TSPAN4: variants seen among roughly 807,000 people sequenced by gnomAD.
TSPAN4 encodes the protein tetraspanin 4, also known as tetraspanin-4.
Under a neutral mutation model 31.5 loss-of-function variants are expected in TSPAN4, and 38 were observed. The ratio of observed to expected loss-of-function variants is 1.21; its 90% CI spans 0.93 to 1.58. The LOEUF is 1.58. Among genes scored for constraint, TSPAN4 ranks in the 40% most tolerant of loss-of-function variants. The probability of loss-of-function intolerance (pLI) is 0.00; values close to 1 mark genes in which losing one functional copy is unlikely to be tolerated. For synonymous variants in TSPAN4, 186 were observed against 144.6 expected (o/e 1.29, Z -2.06); for missense variants, 330 against 317.3 (o/e 1.04, Z -0.30).
intron 5 of TSPAN4, chr11:865,160 G>A (rs1848699040): frequency 4.0e-6 from 1 of 250,668 alleles, no homozygotes; most frequent in African/African-American, 2.2e-5. Context: ...GAATATTGGG[G>A]ACCGAGGCCA....
intron 1 of TSPAN4, among the ~76,000 whole-genome samples, chr11:844,809 G>C (rs1847211384): frequency 6.6e-6 from 1 of 152,138 alleles, no homozygotes; most frequent in Non-Finnish European, 1.5e-5. Flanking sequence ...AGGGAGCAGA[G>C]GGTGGGCTCC....
chr11:846,345 G>A (rs1847323520), intron 1 of TSPAN4, among the ~76,000 whole-genome samples: 1 of 152,226 alleles, frequency 6.6e-6, no homozygotes, highest in Admixed American at 6.5e-5. Context: ...TCTCCTTGCA[G>A]CTCAGTCCCC....
At chr11:864,277 G>A (rs2134064933) in intron 4 of TSPAN4, 160 bp from the exon 5 acceptor site, 1 of 787,792 alleles carries the variant, frequency 1.3e-6, no homozygotes, top group East Asian at 2.6e-5. Flanking sequence ...AGGGTTCTGA[G>A]GTGGGGGCGG....
Position 866,802 on chromosome 11 carries a change from T to G in TSPAN4, c.*172T>G. On this transcript the variant is annotated 3_prime_UTR_variant, in exon 9 of 9. Transcript: ENST00000397397. ...TGTTTCTGGAAGGCCCTAGCTCAGG[T>G]GGCTTCAGGGCCTCCGGACCCCCCC... The G allele has an allele frequency of 1.5e-6, 1 of 681,518 alleles. No homozygotes were observed. The highest frequency in any genetic ancestry group is 2.3e-6 in the Non-Finnish European group (1 of 426,250). 42.2% of individuals were successfully genotyped at this position (681,518 alleles called of 1,614,324 possible).
At position 848,615 on chromosome 11, in the gene TSPAN4, C is replaced by G. The variant is rs576521265; in HGVS notation, c.-18+1315C>G. Among the ~76,000 whole-genome samples the G allele has an allele frequency of 2.1e-4, 32 of 152,300 alleles. No homozygotes were observed. Among genetic ancestry groups the G allele is most frequent in the African/African-American group, 7.0e-4 (29 of 41,566 alleles). ...CCACATCAGTCACTCCAGGAGGACC[C>G]AGGCCTCCAGAGCTGGTCAGCCCTG... is the stretch of plus-strand genomic sequence containing the variant. On this transcript the variant is annotated intron_variant, in intron 2 of 8. Transcript: ENST00000397397. This position sits in a 1 kb window ranked among gnomAD's most constrained non-coding sequence, Gnocchi z 5.7.
At chr11:860,408 G>A (rs897090240) in intron 3 of TSPAN4, among the ~76,000 whole-genome samples, 1 of 152,222 alleles carries the variant, frequency 6.6e-6, no homozygotes, top group African/African-American at 2.4e-5. Context: ...AAAGGGTGGC[G>A]GCCTCCAACC....
rs376200835 is a variant in TSPAN4, at chr11:865,733, G to A, written c.472G>A (p.Glu158Lys). The change falls in exon 7 of 9, where the codon GAG (glutamate) becomes AAG (lysine). Residue 158 changes from glutamate to lysine, a missense_variant. Coordinates refer to ENST00000397397, the MANE Select transcript of TSPAN4 (RefSeq NM_003271.5). ...CGTCTCCAACTACACTGACTGGTTCGAGGTGTACAACGCCACGCGGGTACC... is the reference window on the plus strand; with the variant it reads ...CGTCTCCAACTACACTGACTGGTTCAAGGTGTACAACGCCACGCGGGTACC... ...CGVSNYTDWF[E>K]VYNATRVPDS... 36 of 1,613,334 alleles carry A rather than the reference G, an allele frequency of 2.2e-5. No individual in the cohort carries two copies. The highest frequency in any genetic ancestry group is 5.0e-5 in the Admixed American group (3 of 59,994).
chr11:862,958 C>G (rs947578911), intron 4 of TSPAN4: 1 of 569,780 alleles, frequency 1.8e-6, no homozygotes, highest in African/African-American at 1.9e-5. Flanking sequence ...GTGTGGGGGT[C>G]ACTCAAGAGA....
chr11:844,389 C>T (rs1233422632), intron 1 of TSPAN4: 1 of 152,402 alleles, frequency 6.6e-6, no homozygotes, highest in East Asian at 1.9e-4. Context: ...TCTTGGAATT[C>T]CGAGTGTGTG....
In TSPAN4 at chr11:849,311, C is replaced by T. The variant is rs572602435; in HGVS notation, c.-17-977C>T. On this transcript the variant is annotated intron_variant, in intron 2 of 8. Transcript: ENST00000397397. ...AAGACTCAACGACACCTGCTCCATG[C>T]AGTGCAGGCTGACCCAGCCCCCCAC... Among the ~76,000 whole-genome samples, 49 of 152,282 alleles carry T rather than the reference C, an allele frequency of 3.2e-4. No individual in the cohort carries two copies. The South Asian group carries it at 9.1e-3, about 28-fold the overall frequency.
rs149881035 is a variant in TSPAN4 at position 865,960 on chromosome 11, C to T, written c.607C>T (p.Leu203=). 3.4e-5 allele frequency: 55 copies of T among 1,612,522 alleles called. No homozygotes were observed. Among genetic ancestry groups the T allele is most frequent in the Non-Finnish European group, 4.5e-5 (53 of 1,179,998 alleles). The change falls in exon 8 of 9, where the codon CTG becomes TTG. Residue 203 remains leucine, a synonymous_variant. Coordinates refer to ENST00000397397, the MANE Select transcript of TSPAN4 (RefSeq NM_003271.5). ...GAAGGTGTGGCTTCAGGAGAACCTG[C>T]TGGCTGTGGGCATCTTTGGGCTGTG... ...TVKVWLQENL[L]AVGIFGLCTA... is the part of the protein sequence containing the mutation.
chr11:860,907 C>T (rs759842600), intron 3 of TSPAN4, among the ~76,000 whole-genome samples: 4 of 152,178 alleles, frequency 2.6e-5, no homozygotes, highest in African/African-American at 9.6e-5. Flanking sequence ...AGTCAACCGT[C>T]GGCACCCCAG....
At chr11:858,792 GCTTGCATGCACCTCGCCTCC>G in intron 3 of TSPAN4, 1 of 112,964 alleles carries the variant, frequency 8.9e-6, no homozygotes, top group South Asian at 2.4e-4. Flanking sequence ...ATGCACCCCC[GCTTGCATGCACCTCGCCTCC>G]CACCCCCGCT....
At chr11:860,540 G>A (rs921784566) in intron 3 of TSPAN4, among the ~76,000 whole-genome samples, 3 of 152,184 alleles carry the variant, frequency 2.0e-5, no homozygotes, top group Non-Finnish European at 2.9e-5. Context: ...TGGGCCCTCC[G>A]TGGGCCCTGC....
At chr11:855,340 G>A (rs779090123) in intron 3 of TSPAN4, among the ~76,000 whole-genome samples, 1 of 152,226 alleles carries the variant, frequency 6.6e-6, no homozygotes, top group Non-Finnish European at 1.5e-5. Context: ...TGTGCGATGT[G>A]AGCCGTGGTC....
intron 3 of TSPAN4, chr11:858,126 G>T: frequency 6.6e-6 from 1 of 152,520 alleles, no homozygotes. Flanking sequence ...TGGTGTGTGT[G>T]ACCTTGTGCC....
chr11:862,475 C>A (rs576824842), intron 3 of TSPAN4, 75 bp from the exon 4 acceptor site: 1 of 1,374,736 alleles, frequency 7.3e-7, no homozygotes, highest in Non-Finnish European at 9.8e-7. Flanking sequence ...GCTTGTGGGC[C>A]GGGCTCTGCC....
intron 3 of TSPAN4, chr11:857,085 G>C (rs1050951154): frequency 6.6e-6 from 1 of 152,224 alleles, no homozygotes; most frequent in Non-Finnish European, 1.5e-5. Context: ...TGGTGACAGT[G>C]GGTGTCTCTT....
chr11:862,599 AGGGGAGCTTCGCCACGCT>A lies in TSPAN4; in HGVS notation c.115_132del (p.Gly39_Leu44del). 1 of 1,612,676 alleles carries A rather than the reference AGGGGAGCTTCGCCACGCT, an allele frequency of 6.2e-7. No homozygotes were observed. The highest frequency in any genetic ancestry group is 8.5e-7 in the Non-Finnish European group (1 of 1,179,678). ...GTCGGCATCTGGCTGGCCGCCACAC[AGGGGAGCTTCGCCACGCT>A]GTCCTCTTCCTTCCCGTCCCTGTCG... is the stretch of plus-strand genomic sequence containing the variant. On this transcript the variant is annotated inframe_deletion, in exon 4 of 9. Transcript: ENST00000397397.
Sources: gnomAD v4.1 joint callset for allele counts (sites outside exome capture counted in the v4.1 genomes callset) on GRCh38, gnomAD v4.1.1 for gene constraint, Gnocchi (gnomAD v3.1) non-coding constraint, MANE v1.5 for transcripts, NCBI Gene and HGNC (gene_info 2026-07-23, HGNC 2026-07-21) for gene names.